Variants in CUL5 observed in about 807,000 individuals in gnomAD.
CUL5 encodes the protein cullin-5.
CUL5 carries 26 observed loss-of-function variants against 108.8 expected under a neutral mutation model. That is an observed-to-expected ratio of 0.24 (90% CI 0.18 to 0.33). The LOEUF is 0.33. Ranked by LOEUF, CUL5 falls within the 10% of genes least tolerant of loss-of-function variation. CUL5 has a pLI of 1.00. For missense variants in CUL5, 524 were observed against 909.2 expected (o/e 0.58, Z 5.45); for synonymous variants, 334 against 298.0 (o/e 1.12, Z -1.25).
chr11:108,077,928 G>T (rs1032693646), intron 10 of CUL5, among the ~76,000 whole-genome samples: 1 of 152,024 alleles, frequency 6.6e-6, no homozygotes, highest in African/African-American at 2.4e-5. Flanking sequence ...CAGCCTGGTC[G>T]ACAGAGTGAG....
chr11:108,100,510 C>T (rs1591337749), intron 18 of CUL5, among the ~76,000 whole-genome samples: 1 of 152,218 alleles, frequency 6.6e-6, no homozygotes, highest in East Asian at 1.9e-4. Flanking sequence ...CGCCACTGCA[C>T]TCCAGCTTGG....
chr11:108,098,419 G>A lies in CUL5; in HGVS notation c.2038G>A (p.Val680Ile), dbSNP rs138901219. Residue 680 changes from valine (V) to isoleucine (I), a missense_variant, in exon 18 of 19, where the codon GTT becomes ATT. Transcript: ENST00000393094. ...QEFSLIKNAKVQKRGKINLIG... is the reference protein window; with the variant it reads ...QEFSLIKNAKIQKRGKINLIG... Reference sequence around the variant, plus strand: ...TTCTTTTTGTAGAAAAAATGCAAAGGTTCAGAAAAGGGGTAAAATCAACTT... The same window carrying A: ...TTCTTTTTGTAGAAAAAATGCAAAGATTCAGAAAAGGGGTAAAATCAACTT... 101 of 1,604,430 alleles carry A rather than the reference G, an allele frequency of 6.3e-5. No homozygotes were observed. In the African/African-American group the frequency reaches 1.2e-3, roughly 19 times the overall value.
rs76420504 is a variant in CUL5, at chr11:108,081,751, C to G, written c.1178+3511C>G. Among the ~76,000 whole-genome samples the G allele has an allele frequency of 3.1e-3, 477 of 152,202 alleles. 6 individuals are homozygous for G. The highest frequency in any genetic ancestry group is 1.0e-2 in the African/African-American group (414 of 41,534). The stretch of plus-strand genomic sequence containing the variant: ...TGGGTGAGAGTGCGAGTCTCCGTCT[C>G]AAGAAAAAAATCAGTTGGCTATGAT... On this transcript the variant is annotated intron_variant, in intron 11 of 18. Transcript: ENST00000393094.
Position 108,046,327 on chromosome 11 carries a change from T to A in CUL5, c.192T>A (p.Ala64=), listed in dbSNP as rs751000380. The A allele has an allele frequency of 6.2e-7, 1 of 1,613,084 alleles. No individual in the cohort carries two copies. The highest frequency in any genetic ancestry group is 1.1e-5 in the South Asian group (1 of 90,962). Residue 64 remains alanine (A), a synonymous_variant, in exon 3 of 19, where the codon GCT becomes GCA. Coordinates refer to ENST00000393094, the MANE Select transcript of CUL5 (RefSeq NM_003478.6). ...AAGGCCCAGCAAAAATTCATCAGGC[T>A]TTAAAAGAAGATATTCTTGAGTTTA... The part of the protein sequence containing the change: ...DDKGPAKIHQ[A]LKEDILEFIK...
chr11:108,102,654 A>G (rs530410785), intron 18 of CUL5, among the ~76,000 whole-genome samples: 1 of 152,298 alleles, frequency 6.6e-6, no homozygotes, highest in African/African-American at 2.4e-5. Flanking sequence ...ATATAGGGGA[A>G]GTTGAAGGAG....
Position 108,033,875 on chromosome 11 carries a change from A to T in CUL5, c.98A>T (p.Glu33Val). The change falls in exon 2 of 19, where the codon GAA becomes GTA. Residue 33 changes from glutamate to valine, a missense_variant. Physicochemically the swap from Glu to Val is moderately radical, Grantham distance 121. This residue lies in a region of CUL5 where 76 missense variants were observed against 90.8 expected (regional missense o/e 0.84). Transcript: ENST00000393094. ...ATTGTTTTGAAGCTTTTACGCCAGG[A>T]ATCTGTTACAAAACAGCAGTGGTTT... is the stretch of plus-strand genomic sequence containing the variant. ...RPIVLKLLRQ[E>V]SVTKQQWFDL... 6.2e-7 allele frequency: 1 copy of T among 1,613,338 alleles called. No homozygotes were observed. Among genetic ancestry groups the T allele is most frequent in the Non-Finnish European group, 8.5e-7 (1 of 1,179,522 alleles).
chr11:108,019,675 C>T (rs1338719474), intron 1 of CUL5, among the ~76,000 whole-genome samples: 1 of 152,038 alleles, frequency 6.6e-6, no homozygotes, highest in African/African-American at 2.4e-5. Flanking sequence ...AAAAGTCTAG[C>T]ACATATAATT....
chr11:108,055,751 C>G (rs1268132584), intron 7 of CUL5, among the ~76,000 whole-genome samples: 1 of 152,164 alleles, frequency 6.6e-6, no homozygotes, highest in African/African-American at 2.4e-5. Context: ...CTGCCTCAGC[C>G]TCCCAAGTAG....
chr11:108,028,997 C>T (rs1862515116), intron 1 of CUL5, among the ~76,000 whole-genome samples: 1 of 152,196 alleles, frequency 6.6e-6, no homozygotes, highest in Admixed American at 6.5e-5. Flanking sequence ...TATCTGCTCT[C>T]TCCACTTTGT....
chr11:108,045,639 A>G lies in CUL5; in HGVS notation c.135-631A>G, dbSNP rs1863047518. 3.3e-5 allele frequency among the ~76,000 whole-genome samples: 5 copies of G among 152,154 alleles called. No homozygotes were observed. In the South Asian group the frequency reaches 1.0e-3, roughly 31 times the overall value. ...GCACTTTGGAGACTGAGGCAGGAGG[A>G]TCCCTTGAAACAAGGAGTTCAAGAC... On this transcript the variant is annotated intron_variant, in intron 2 of 18. Coordinates refer to ENST00000393094, the MANE Select transcript of CUL5 (RefSeq NM_003478.6).
At chr11:108,028,773 G>A (rs558632270) in intron 1 of CUL5, among the ~76,000 whole-genome samples, 41 of 152,160 alleles carry the variant, frequency 2.7e-4, no homozygotes, top group Admixed American at 9.8e-4. Flanking sequence ...GCAGTGAGCC[G>A]AGATCGCCCC....
intron 4 of CUL5, among the ~76,000 whole-genome samples, chr11:108,052,459 G>A (rs1353985956): frequency 6.6e-6 from 1 of 151,768 alleles, no homozygotes; most frequent in Non-Finnish European, 1.5e-5. Flanking sequence ...ACAGGATTTT[G>A]CCCTGCTGCC....
intron 16 of CUL5, among the ~76,000 whole-genome samples, chr11:108,097,239 C>G (rs1214732359): frequency 6.6e-6 from 1 of 152,188 alleles, no homozygotes; most frequent in Non-Finnish European, 1.5e-5. Flanking sequence ...TGGTTTCAGA[C>G]TCCTGAGCTC....
In CUL5 at chr11:108,054,762, A is replaced by G. The variant is rs372301056; in HGVS notation, c.669A>G (p.Gln223=). 7.2e-5 allele frequency: 116 copies of G among 1,610,992 alleles called. No homozygotes were observed. The highest frequency in any genetic ancestry group is 9.3e-5 in the Non-Finnish European group (110 of 1,178,256). Reference sequence around the variant, plus strand: ...GAACACAAGCACCCTCGTATTTACAACAAAATGGTGTACAGAATTATATGA... The same window carrying G: ...GAACACAAGCACCCTCGTATTTACAGCAAAATGGTGTACAGAATTATATGA... ...FYRTQAPSYL[Q]QNGVQNYMKY... is the part of the protein sequence containing the mutation. The change falls in exon 6 of 19, where the codon CAA becomes CAG. Residue 223 remains glutamine (Q), a synonymous_variant. Coordinates refer to ENST00000393094, the MANE Select transcript of CUL5 (RefSeq NM_003478.6).
intron 18 of CUL5, among the ~76,000 whole-genome samples, chr11:108,100,047 A>G (rs187938829): frequency 1.3e-4 from 20 of 152,240 alleles, no homozygotes; most frequent in East Asian, 3.9e-4. Context: ...ATCAAGTTCA[A>G]AATTTTAAAA....
At position 108,107,730 on chromosome 11, in the gene CUL5, A is replaced by G. The variant is rs533130641; in HGVS notation, c.*3346A>G. On this transcript the variant is annotated 3_prime_UTR_variant, in exon 19 of 19. Transcript: ENST00000393094. ...TTTTATTTTTTAAGTTGTATAATTT[A>G]TTTTCTTGCAAAATAAAAATGTAAT... 2 of 152,640 alleles carry G rather than the reference A, an allele frequency of 1.3e-5. No homozygotes were observed. The highest frequency in any genetic ancestry group is 2.9e-5 in the Non-Finnish European group (2 of 68,018). 9.5% of individuals were successfully genotyped at this position (152,640 alleles called of 1,614,324 possible).
At chr11:108,035,849 CAG>C (rs1465579838) in intron 2 of CUL5, among the ~76,000 whole-genome samples, 1 of 152,072 alleles carries the variant, frequency 6.6e-6, no homozygotes, top group Non-Finnish European at 1.5e-5. Context: ...AGCCCAGTAG[CAG>C]AGTGTCAGGT....
At chr11:108,068,529 T>G (rs1863746838) in intron 7 of CUL5, among the ~76,000 whole-genome samples, 1 of 152,118 alleles carries the variant, frequency 6.6e-6, no homozygotes, top group Non-Finnish European at 1.5e-5. Context: ...TGAATCCCCA[T>G]TACCTAAATT....
In CUL5 at chr11:108,097,766, A is replaced by G; in HGVS notation, c.2024+12A>G. ...GAGTTCAGTTTAATGTAAGCTCGTT[A>G]GTTGATCTAAAATAAAAACACCTTG... On this transcript the variant is annotated intron_variant, in intron 17 of 18. Transcript: ENST00000393094. The G allele has an allele frequency of 7.1e-7, 1 of 1,417,236 alleles. No homozygotes were observed. Among genetic ancestry groups the G allele is most frequent in the Non-Finnish European group, 9.9e-7 (1 of 1,014,194 alleles). 87.8% of individuals were successfully genotyped at this position (1,417,236 alleles called of 1,614,324 possible).
Sources: allele counts gnomAD v4.1 joint callset (sites outside exome capture counted in the v4.1 genomes callset), GRCh38; gene constraint gnomAD v4.1.1; regional missense constraint gnomAD v4.1.1; transcripts MANE v1.5; gene names NCBI Gene and HGNC (gene_info 2026-07-23, HGNC 2026-07-21).